COL6A3: variants seen among roughly 807,000 people sequenced by gnomAD.
COL6A3 encodes the protein collagen type VI alpha 3 chain, also known as collagen alpha-3(VI) chain.
Under a neutral mutation model 274.1 loss-of-function variants are expected in COL6A3, and 137 were observed. The ratio of observed to expected loss-of-function variants is 0.50; its 90% CI spans 0.44 to 0.58. The LOEUF is 0.58. Among genes scored for constraint, COL6A3 ranks in the 20% least tolerant of loss-of-function variants. The probability of loss-of-function intolerance (pLI) is 0.00; values close to 1 mark genes in which losing one functional copy is unlikely to be tolerated. For synonymous variants in COL6A3, 1,650 were observed against 1,650.6 expected (o/e 1.00, Z 0.01); for missense variants, 3,950 against 4,124.9 (o/e 0.96, Z 1.16).
intron 3 of COL6A3, among the ~76,000 whole-genome samples, chr2:237,390,306 G>A (rs117014601): frequency 0.012 from 1,850 of 152,306 alleles, 66 homozygotes; most frequent in Admixed American, 0.059. Context: ...GTAAAAGACT[G>A]AACATCTACA....
chr2:237,374,991 G>A lies in COL6A3; in HGVS notation c.3100C>T (p.Leu1034Phe), dbSNP rs776389712. The A allele has an allele frequency of 6.2e-7, 1 of 1,613,862 alleles. No individual in the cohort carries two copies. The highest frequency in any genetic ancestry group is 1.7e-5 in the Admixed American group (1 of 60,000). Reference protein sequence around the residue: ...VSGEKDVVFLLDGSEGVRSGF... With the variant: ...VSGEKDVVFLFDGSEGVRSGF... The stretch of plus-strand genomic sequence containing the variant: ...CTCCTGACGCCCTCAGAGCCATCAA[G>A]CAGAAACACCACGTCCTTTTCACCT... Residue 1034 changes from leucine (L) to phenylalanine (F), a missense_variant, in exon 8 of 44, where the codon CTT (leucine) becomes TTT (phenylalanine). This residue lies in a region of COL6A3 where 1,934 missense variants were observed against 1,984.3 expected (regional missense o/e 0.97). Transcript: ENST00000295550. This position sits in a 1 kb window ranked among gnomAD's most constrained non-coding sequence, Gnocchi z 4.8.
At chr2:237,352,889 C>T (rs888945271) in intron 25 of COL6A3, among the ~76,000 whole-genome samples, 1 of 152,224 alleles carries the variant, frequency 6.6e-6, no homozygotes, top group Non-Finnish European at 1.5e-5. Flanking sequence ...CTCCATCAAC[C>T]AATGAGTGGA....
At chr2:237,377,463 G>T in intron 6 of COL6A3, 119 bp from the exon 7 acceptor site, 1 of 966,160 alleles carries the variant, frequency 1.0e-6, no homozygotes, top group Non-Finnish European at 1.6e-6. Flanking sequence ...TGACCACTGT[G>T]CCAGCAAGAG....
chr2:237,357,369 A>C lies in COL6A3; in HGVS notation c.6560T>G (p.Val2187Gly), dbSNP rs770328379. ...CCCAGTTTCTCCAGGTCCTCCAGGT[A>C]CTCCATCTCTCCCTGGGACACCCTG... is the stretch of plus-strand genomic sequence containing the variant. ...GPMGVPGRDG[V>G]PGGPGETGKN... Residue 2187 changes from valine (V) to glycine (G), a missense_variant, in exon 23 of 44, where the codon GTA becomes GGA. By Grantham distance (109) the Val-to-Gly change is moderately radical (BLOSUM62 -3). Coordinates refer to ENST00000295550, the MANE Select transcript of COL6A3 (RefSeq NM_004369.4). 2 of 1,613,906 alleles carry C rather than the reference A, an allele frequency of 1.2e-6. No individual in the cohort carries two copies. Among genetic ancestry groups the C allele is most frequent in the Non-Finnish European group, 1.7e-6 (2 of 1,179,840 alleles).
At position 237,324,629 on chromosome 2, in the gene COL6A3, GGAT is replaced by G; in HGVS notation, c.*142_*144del. On this transcript the variant is annotated 3_prime_UTR_variant, in exon 44 of 44. Transcript: ENST00000295550. ...CACCATACTGATAGGTCATGCAGCA[GGAT>G]GTTCCCTCCCGAGTTCGAGTGTAAA... The G allele has an allele frequency of 5.4e-6, 4 of 743,934 alleles. No individual in the cohort carries two copies. The highest frequency in any genetic ancestry group is 9.4e-6 in the Non-Finnish European group (4 of 425,366). The allele number at this position is 743,934 out of a possible 1,614,324, so 46.1% of individuals were successfully genotyped here.
intron 1 of COL6A3, among the ~76,000 whole-genome samples, chr2:237,409,434 T>C (rs1160976594): frequency 1.3e-5 from 2 of 152,194 alleles, no homozygotes; most frequent in East Asian, 3.9e-4. Flanking sequence ...ATCCCCTCCC[T>C]GAACCTCAGG....
intron 9 of COL6A3, 83 bp from the exon 10 acceptor site, chr2:237,369,260 C>A (rs2077629095): frequency 1.3e-6 from 2 of 1,540,238 alleles, no homozygotes; most frequent in Admixed American, 3.6e-5. Flanking sequence ...GCACCATAAT[C>A]CTAATCAACC....
In COL6A3 at chr2:237,374,945, T is replaced by C. The variant is rs1366729680; in HGVS notation, c.3146A>G (p.Glu1049Gly). 4 of 1,613,816 alleles carry C rather than the reference T, an allele frequency of 2.5e-6. No homozygotes were observed. The highest frequency in any genetic ancestry group is 2.2e-5 in the South Asian group (2 of 91,058). Residue 1049 changes from glutamate (E) to glycine (G), a missense_variant, in exon 8 of 44, where the codon GAG becomes GGG. Physicochemically the swap from Glu to Gly is moderately conservative, Grantham distance 98. Transcript: ENST00000295550. The surrounding 1 kb of genome is among the most constrained non-coding windows in gnomAD (Gnocchi z 4.8). ...GCTTTCCACCACTCTCTGGACAAAC[T>C]CTTTCAACAGAGGGAAGCCGCTCCT... is the stretch of plus-strand genomic sequence containing the variant. Reference protein sequence around the residue: ...GVRSGFPLLKEFVQRVVESLD... With the variant: ...GVRSGFPLLKGFVQRVVESLD...
In COL6A3 at chr2:237,368,907, G is replaced by A; in HGVS notation, c.4556C>T (p.Ala1519Val). ...GAGGTTTCTTGCCACAAATTCGAGA[G>A]CCTTGCCAGTGTTCAGTGGGGACCC... is the stretch of plus-strand genomic sequence containing the variant. ...RGGSPLNTGK[A>V]LEFVARNLFV... The change falls in exon 10 of 44, where the codon GCT becomes GTT. Residue 1519 changes from alanine to valine, a missense_variant. Physicochemically the swap from Ala to Val is moderately conservative, Grantham distance 64. Around this residue, in one of 5 missense-constraint regions of COL6A3, gnomAD observed 1,934 missense variants for 1,984.3 expected, o/e 0.97. Coordinates refer to ENST00000295550, the MANE Select transcript of COL6A3 (RefSeq NM_004369.4). The surrounding 1 kb of genome is among the most constrained non-coding windows in gnomAD (Gnocchi z 4.4). 2 of 1,614,180 alleles carry A rather than the reference G, an allele frequency of 1.2e-6. No homozygotes were observed. Among genetic ancestry groups the A allele is most frequent in the Non-Finnish European group, 1.7e-6 (2 of 1,180,034 alleles).
Position 237,344,437 on chromosome 2 carries a change from T to C in COL6A3, c.7581A>G (p.Arg2527=), listed in dbSNP as rs765129895. 2 of 1,614,220 alleles carry C rather than the reference T, an allele frequency of 1.2e-6. No individual in the cohort carries two copies. Among genetic ancestry groups the C allele is most frequent in the Non-Finnish European group, 1.7e-6 (2 of 1,180,030 alleles). ...NTPTRASPQL[R]EAVLKLSDAG... is the part of the protein sequence containing the mutation. ...CATCTGAGAGCTTGAGCACAGCCTC[T>C]CTGAGCTGTGGGGATGCTCTTGTGG... Residue 2527 remains arginine (R), a synonymous_variant, in exon 36 of 44, where the codon AGA becomes AGG. Coordinates refer to ENST00000295550, the MANE Select transcript of COL6A3 (RefSeq NM_004369.4). The surrounding 1 kb of genome is among the most constrained non-coding windows in gnomAD (Gnocchi z 4.8).
chr2:237,390,736 G>A (rs2078267222), intron 3 of COL6A3, among the ~76,000 whole-genome samples: 1 of 152,058 alleles, frequency 6.6e-6, no homozygotes, highest in Non-Finnish European at 1.5e-5. Context: ...AGAAAAACAA[G>A]TTCCCATTCT....
chr2:237,371,395 G>C lies in COL6A3; in HGVS notation c.4285+337C>G, dbSNP rs542118285. Among the ~76,000 whole-genome samples the C allele has an allele frequency of 2.3e-4, 35 of 152,242 alleles. No homozygotes were observed. The highest frequency in any genetic ancestry group is 6.3e-4 in the African/African-American group (26 of 41,556). ...GTGGATCACTTGAGCTCAGGGGCTT[G>C]AGACCAGCCTGGCCAACATGGTGAA... On this transcript the variant is annotated intron_variant, in intron 9 of 43. Coordinates refer to ENST00000295550, the MANE Select transcript of COL6A3 (RefSeq NM_004369.4). This position sits in a 1 kb window ranked among gnomAD's most constrained non-coding sequence, Gnocchi z 4.3.
intron 42 of COL6A3, 96 bp from the exon 43 acceptor site, chr2:237,325,820 A>C (rs1699912663): frequency 2.8e-6 from 3 of 1,065,388 alleles, no homozygotes; most frequent in Non-Finnish European, 4.1e-6. Context: ...CTACTGTGGC[A>C]GAAGGAAAAA....
Position 237,334,724 on chromosome 2 carries a change from A to G in COL6A3, c.9131T>C (p.Val3044Ala), listed in dbSNP as rs745679990. Residue 3044 changes from valine (V) to alanine (A), a missense_variant, in exon 41 of 44, where the codon GTC becomes GCC. Physicochemically the swap from Val to Ala is moderately conservative, Grantham distance 64. Coordinates refer to ENST00000295550, the MANE Select transcript of COL6A3 (RefSeq NM_004369.4). ...LKQNLTVTDR[V>A]IGGLLAGQTY... is the part of the protein sequence containing the mutation. ...CTGCCCAGCGAGCAGGCCTCCAATG[A>G]CGCGGTCCGTGACCGTGAGGTTCTG... The G allele has an allele frequency of 6.2e-7, 1 of 1,614,094 alleles. No homozygotes were observed. Among genetic ancestry groups the G allele is most frequent in the Admixed American group, 1.7e-5 (1 of 60,026 alleles).
At position 237,361,481 on chromosome 2, in the gene COL6A3, G is replaced by T. The variant is rs1252781059; in HGVS notation, c.6156+258C>A. 1.3e-5 allele frequency among the ~76,000 whole-genome samples: 2 copies of T among 152,206 alleles called. No individual in the cohort carries two copies. Among genetic ancestry groups the T allele is most frequent in the African/African-American group, 4.8e-5 (2 of 41,446 alleles). On this transcript the variant is annotated intron_variant, in intron 15 of 43. Transcript: ENST00000295550. This position sits in a 1 kb window ranked among gnomAD's most constrained non-coding sequence, Gnocchi z 5.1. ...TGCCTTTAACATTATTTTATGAAATGAAGGACCAAGCTGTTAAAGCACAGA... is the reference window on the plus strand; with the variant it reads ...TGCCTTTAACATTATTTTATGAAATTAAGGACCAAGCTGTTAAAGCACAGA...
intron 5 of COL6A3, among the ~76,000 whole-genome samples, chr2:237,379,560 T>C (rs2077948677): frequency 6.6e-6 from 1 of 152,264 alleles, no homozygotes; most frequent in Admixed American, 6.5e-5. Context: ...ATGAATACTA[T>C]GAAGGTGCTG....
In COL6A3 at chr2:237,336,209, G is replaced by A. The variant is rs563813743; in HGVS notation, c.8891C>T (p.Ala2964Val). 8.0e-5 allele frequency: 129 copies of A among 1,613,452 alleles called. 4 individuals carry two copies. In the South Asian group the frequency reaches 1.1e-3, roughly 14 times the overall value. ...PPAAAAAKPV[A>V]TKPEVPRPQA... ...TGGCCTAGGGACCTCAGGCTTGGTC[G>A]CCACTGGTTTTGCAGCAGCAGCAGC... The change falls in exon 40 of 44, where the codon GCG (alanine) becomes GTG (valine). Residue 2964 changes from alanine (A) to valine (V), a missense_variant. Transcript: ENST00000295550.
intron 1 of COL6A3, among the ~76,000 whole-genome samples, chr2:237,409,758 T>C (rs1310758195): frequency 6.6e-6 from 1 of 152,216 alleles, no homozygotes; most frequent in Non-Finnish European, 1.5e-5. Context: ...TCAAAGGACA[T>C]GTCACGAGCA....
Position 237,381,117 on chromosome 2 carries a change from G to C in COL6A3, c.1695C>G (p.Ile565Met). The C allele has an allele frequency of 6.2e-7, 1 of 1,614,208 alleles. No homozygotes were observed. Among genetic ancestry groups the C allele is most frequent in the African/African-American group, 1.3e-5 (1 of 75,066 alleles). Residue 565 changes from isoleucine (I) to methionine (M), a missense_variant, in exon 5 of 44, where the codon ATC becomes ATG. Transcript: ENST00000295550. ...TCTTCAGCTCCTGGGCAGGCTGGCTGATTTCATCTAGGGACTTACCACCTG... is the reference window on the plus strand; with the variant it reads ...TCTTCAGCTCCTGGGCAGGCTGGCTCATTTCATCTAGGGACTTACCACCTG... ...LITGGKSLDE[I>M]SQPAQELKRS...
Sources: gnomAD v4.1 joint callset for allele counts (sites outside exome capture counted in the v4.1 genomes callset) on GRCh38, gnomAD v4.1.1 for gene constraint, gnomAD v4.1.1 regional missense constraint, Gnocchi (gnomAD v3.1) non-coding constraint, MANE v1.5 for transcripts, NCBI Gene and HGNC (gene_info 2026-07-23, HGNC 2026-07-21) for gene names.